The following HRH1 variants were observed in gnomAD, a reference collection of about 807,000 sequenced individuals.
HRH1 encodes the protein histamine H1 receptor.
HRH1 carries 6 observed loss-of-function variants against 10.3 expected under a neutral mutation model. That is an observed-to-expected ratio of 0.58 (90% CI 0.32 to 1.15). The LOEUF (loss-of-function observed/expected upper bound fraction) is 1.15. HRH1 is among the 50% of genes most tolerant of loss of function. HRH1 has a pLI of 0.05. For missense variants in HRH1, 514 were observed against 615.3 expected, an observed-to-expected ratio of 0.84 and a Z score of 1.74; for synonymous variants, 242 against 236.7, an observed-to-expected ratio of 1.02 and a Z score of -0.21.
In HRH1 at chr3:11,154,682, G is replaced by A. The variant is rs1936739785; in HGVS notation, c.-36+128G>A. The stretch of plus-strand genomic sequence containing the variant: ...CCGGGAACCCCGGAGCCGCCCGCTT[G>A]AGAAGAGCGCGCTTGGGTACCCTCG... On this transcript the variant is annotated intron_variant, in intron 1 of 1. Coordinates refer to ENST00000431010, the MANE Select transcript of HRH1 (RefSeq NM_001098212.2). The surrounding 1 kb of genome is among the most constrained non-coding windows in gnomAD (Gnocchi z 4.4). The A allele has an allele frequency of 1.3e-5, 2 of 152,244 alleles. No homozygotes were observed. Among genetic ancestry groups the A allele is most frequent in the Admixed American group, 6.5e-5 (1 of 15,292 alleles). 9.4% of individuals were successfully genotyped at this position (152,244 alleles called of 1,614,324 possible).
intron 1 of HRH1, among the ~76,000 whole-genome samples, chr3:11,237,220 C>A (rs980128247): frequency 6.6e-6 from 1 of 152,130 alleles, no homozygotes. Context: ...TGTTTATTTT[C>A]CTCTTTTCAC....
rs745874985 is a variant in HRH1 at position 11,259,696 on chromosome 3, A to G, written c.659A>G (p.His220Arg). 6.2e-7 allele frequency: 1 copy of G among 1,614,052 alleles called. No homozygotes were observed. The highest frequency in any genetic ancestry group is 8.5e-7 in the Non-Finnish European group (1 of 1,180,004). Reference sequence around the variant, plus strand: ...AAGATCTACAAGGCCGTACGACAACACTGCCAGCACCGGGAGCTCATCAAT... The same window carrying G: ...AAGATCTACAAGGCCGTACGACAACGCTGCCAGCACCGGGAGCTCATCAAT... ...YAKIYKAVRQ[H>R]CQHRELINRS... The change falls in exon 2 of 2, where the codon CAC (histidine) becomes CGC (arginine). Residue 220 changes from histidine (H) to arginine (R), a missense_variant. His to Arg is a conservative substitution (Grantham distance 29). Transcript: ENST00000431010. This position sits in a 1 kb window ranked among gnomAD's most constrained non-coding sequence, Gnocchi z 4.6.
At chr3:11,183,163 C>T (rs531523200) in intron 1 of HRH1, among the ~76,000 whole-genome samples, 54 of 152,264 alleles carry the variant, frequency 3.5e-4, no homozygotes, top group African/African-American at 1.3e-3. Flanking sequence ...AAAGTGGTGG[C>T]CTGAGGAGGC....
intron 1 of HRH1, among the ~76,000 whole-genome samples, chr3:11,220,027 C>T (rs1938655037): frequency 6.7e-6 from 1 of 149,862 alleles, no homozygotes; most frequent in African/African-American, 2.5e-5. Context: ...AGTAGTCACG[C>T]AGACCAAGGT....
chr3:11,144,490 C>CGTCTATAGGTATATATACATATAG (rs1162758698), intron 1 of HRH1, among the ~76,000 whole-genome samples: 12 of 6,526 alleles, frequency 1.8e-3, no homozygotes, highest in Admixed American at 3.6e-3. Context: ...TATACACACA[C>CGTCTATAGGTATATATACATATAG]ACACACGCCA....
intron 1 of HRH1, among the ~76,000 whole-genome samples, chr3:11,179,757 G>A (rs917881146): frequency 8.1e-6 from 1 of 124,016 alleles, no homozygotes; most frequent in African/African-American, 4.1e-5. Context: ...GCTATTGTGC[G>A]TGTGTGTGTG....
upstream of HRH1, among the ~76,000 whole-genome samples, chr3:11,151,700 C>T (rs60940768): frequency 0.14 from 21,827 of 152,040 alleles, 1,792 homozygotes; most frequent in East Asian, 0.29. Context: ...GTCTCCTCCC[C>T]GTGTTTCCCA....
At chr3:11,190,967 C>T (rs375341558) in intron 1 of HRH1, among the ~76,000 whole-genome samples, 12 of 152,252 alleles carry the variant, frequency 7.9e-5, no homozygotes, top group African/African-American at 1.2e-4. Context: ...TCAGGTCTCC[C>T]GAGGACAAGG....
At chr3:11,246,467 A>T (rs953040887) in intron 1 of HRH1, among the ~76,000 whole-genome samples, 1 of 152,210 alleles carries the variant, frequency 6.6e-6, no homozygotes, top group African/African-American at 2.4e-5. Flanking sequence ...TGGCCATAGT[A>T]TCTGACTTTT....
chr3:11,218,166 G>T (rs746272394), intron 1 of HRH1, among the ~76,000 whole-genome samples: 1 of 152,216 alleles, frequency 6.6e-6, no homozygotes, highest in Non-Finnish European at 1.5e-5. Context: ...CAATTTTAAG[G>T]CCAGGCGCGG....
intron 1 of HRH1, among the ~76,000 whole-genome samples, chr3:11,207,875 G>A (rs1187485432): frequency 6.6e-6 from 1 of 152,168 alleles, no homozygotes; most frequent in Non-Finnish European, 1.5e-5. Context: ...GGCCTGTCTG[G>A]CCCATGCCCC....
chr3:11,172,787 C>T (rs1031481120), intron 1 of HRH1, among the ~76,000 whole-genome samples: 7 of 149,646 alleles, frequency 4.7e-5, no homozygotes, highest in African/African-American at 1.2e-4. Flanking sequence ...CTGCAAGCTC[C>T]GCCTCCCAGG....
intron 1 of HRH1, among the ~76,000 whole-genome samples, chr3:11,157,593 A>G (rs1487896408): frequency 2.0e-5 from 3 of 152,218 alleles, no homozygotes; most frequent in Non-Finnish European, 4.4e-5. Flanking sequence ...TTCGGGAGCA[A>G]TGCTGCTGAT....
intron 1 of HRH1, among the ~76,000 whole-genome samples, chr3:11,194,634 C>T (rs887310563): frequency 1.3e-5 from 2 of 152,102 alleles, no homozygotes; most frequent in African/African-American, 2.4e-5. Flanking sequence ...GCCAACATGG[C>T]GAAACCCCGT....
chr3:11,149,784 C>A (rs879816412), upstream of HRH1, among the ~76,000 whole-genome samples: 1 of 152,228 alleles, frequency 6.6e-6, no homozygotes, highest in Non-Finnish European at 1.5e-5. Context: ...CGTATATGAA[C>A]GTTCACTAAA....
intron 1 of HRH1, among the ~76,000 whole-genome samples, chr3:11,167,659 A>T (rs1040150489): frequency 1.3e-5 from 2 of 152,256 alleles, no homozygotes; most frequent in South Asian, 2.1e-4. Context: ...TATGTTTCAC[A>T]TTCAGCCTCC....
intron 1 of HRH1, among the ~76,000 whole-genome samples, chr3:11,199,337 G>A (rs992883687): frequency 2.0e-4 from 30 of 152,226 alleles, no homozygotes; most frequent in African/African-American, 6.7e-4. Context: ...TACTTATGAA[G>A]CACACTGCCA....
chr3:11,204,675 G>GCGAT (rs1159000340), intron 1 of HRH1, among the ~76,000 whole-genome samples: 5 of 152,268 alleles, frequency 3.3e-5, no homozygotes, highest in Middle Eastern at 3.4e-3. Context: ...TAACACACAC[G>GCGAT]CGATCACCTT....
At chr3:11,223,812 G>T (rs1260793356) in intron 1 of HRH1, among the ~76,000 whole-genome samples, 1 of 152,246 alleles carries the variant, frequency 6.6e-6, no homozygotes, top group African/African-American at 2.4e-5. Context: ...TGGAGAAGTT[G>T]AGAGAAGGGT....
Sources: allele counts gnomAD v4.1 joint callset (sites outside exome capture counted in the v4.1 genomes callset), GRCh38; gene constraint gnomAD v4.1.1; non-coding constraint Gnocchi (gnomAD v3.1); transcripts MANE v1.5; gene names NCBI Gene and HGNC (gene_info 2026-07-23, HGNC 2026-07-21).